VPS51: variants seen among roughly 807,000 people sequenced by gnomAD.
VPS51 encodes the protein vacuolar protein sorting-associated protein 51 homolog.
VPS51 carries 55 observed loss-of-function variants against 65.1 expected under a neutral mutation model. That is an observed-to-expected ratio of 0.84 (90% CI 0.68 to 1.06). VPS51 has a LOEUF of 1.06. Among genes scored for constraint, VPS51 ranks in the 50% least tolerant of loss-of-function variants. VPS51 has a pLI of 0.00. For synonymous variants in VPS51, 473 were observed against 489.5 expected (o/e 0.97, Z 0.44); for missense variants, 943 against 1,101.6 (o/e 0.86, Z 2.04).
Position 65,107,569 on chromosome 11 carries a change from C to T in VPS51, c.359-12C>T, listed in dbSNP as rs1202716480. On this transcript the variant is annotated splice_polypyrimidine_tract_variant and intron_variant, in intron 2 of 9. Coordinates refer to ENST00000279281, the MANE Select transcript of VPS51 (RefSeq NM_013265.4). This position sits in a 1 kb window ranked among gnomAD's most constrained non-coding sequence, Gnocchi z 4.0. ...ACCTGCTCTCCCCTTTTCCCCGCCC[C>T]TGCCCTCCTAGACACCATCCGGAAG... The T allele has an allele frequency of 9.5e-6, 15 of 1,572,112 alleles. No individual in the cohort carries two copies. The highest frequency in any genetic ancestry group is 1.3e-5 in the Non-Finnish European group (15 of 1,151,342).
At chr11:65,110,860 G>T in intron 9 of VPS51, 79 bp downstream of exon 9, 4 of 1,566,034 alleles carry the variant, frequency 2.6e-6, no homozygotes, top group South Asian at 1.1e-5. Context: ...TGCCCAAGGA[G>T]CCCCAGGACT....
At chr11:65,105,195 C>T (rs1287655992) in intron 2 of VPS51, among the ~76,000 whole-genome samples, 1 of 151,964 alleles carries the variant, frequency 6.6e-6, no homozygotes, top group African/African-American at 2.4e-5. Flanking sequence ...AGGTCAGAGA[C>T]CAGTCTGGCC....
In VPS51 at chr11:65,107,778, G is replaced by T; in HGVS notation, c.506-25G>T. 6.2e-7 allele frequency: 1 copy of T among 1,603,638 alleles called. No individual in the cohort carries two copies. Among genetic ancestry groups the T allele is most frequent in the Non-Finnish European group, 8.5e-7 (1 of 1,176,200 alleles). On this transcript the variant is annotated intron_variant, in intron 3 of 9. Transcript: ENST00000279281. This position sits in a 1 kb window ranked among gnomAD's most constrained non-coding sequence, Gnocchi z 4.0. ...AGTGGGCCTTTCCTGGGGCTCTGGG[G>T]CTAACGTCACCCTCCGTCCCCCAGG...
At chr11:65,109,590 C>G (rs1278664893) in intron 6 of VPS51, 95 bp downstream of exon 6, 1 of 1,530,850 alleles carries the variant, frequency 6.5e-7, no homozygotes, top group Non-Finnish European at 8.8e-7. Flanking sequence ...GACCAGCTGC[C>G]TGTGTGTACC....
chr11:65,105,228 T>TCCA, intron 2 of VPS51, among the ~76,000 whole-genome samples: 1 of 151,940 alleles, frequency 6.6e-6, no homozygotes, highest in South Asian at 2.1e-4. Flanking sequence ...CCCTCTCTAC[T>TCCA]AAAAGTACAA....
intron 1 of VPS51, 99 bp downstream of exon 1, chr11:65,096,577 G>C: frequency 1.8e-6 from 2 of 1,099,782 alleles, no homozygotes; most frequent in Non-Finnish European, 2.5e-6. Context: ...CTTTTTGTGA[G>C]GTTCAGGAGA....
chr11:65,099,863 G>A (rs1219062897), intron 2 of VPS51, among the ~76,000 whole-genome samples: 1 of 152,166 alleles, frequency 6.6e-6, no homozygotes, highest in Non-Finnish European at 1.5e-5. Context: ...AGCACTCTGA[G>A]AGGCCGAGAC....
chr11:65,111,180 A>C, intron 9 of VPS51, 147 bp from the exon 10 acceptor site: 1 of 1,199,870 alleles, frequency 8.3e-7, no homozygotes, highest in Non-Finnish European at 1.2e-6. Flanking sequence ...CTAATATTGT[A>C]TCCCTCCCTT....
In VPS51 at chr11:65,108,584, G is replaced by A. The variant is rs1947862403; in HGVS notation, c.1113G>A (p.Ala371=). The change falls in exon 5 of 10, where the codon GCG becomes GCA. Residue 371 remains alanine, a synonymous_variant. Coordinates refer to ENST00000279281, the MANE Select transcript of VPS51 (RefSeq NM_013265.4). ...GGGDNSLLVR[A]LDRFHRRLRA... ...GTGACAACTCACTGCTGGTGCGGGCGCTGGACCGCTTCCACCGGCGCTTGC... is the reference window on the plus strand; with the variant it reads ...GTGACAACTCACTGCTGGTGCGGGCACTGGACCGCTTCCACCGGCGCTTGC... 6 of 1,545,340 alleles carry A rather than the reference G, an allele frequency of 3.9e-6. No individual in the cohort carries two copies. Among genetic ancestry groups the A allele is most frequent in the Non-Finnish European group, 5.2e-6 (6 of 1,152,282 alleles).
Position 65,108,633 on chromosome 11 carries a change from G to A in VPS51, c.1162G>A (p.Ala388Thr), listed in dbSNP as rs1364409815. ...GCGGGCTCCCGGGGCCCTGCTGGCC[G>A]CTGCCGGGCTCGCAGACGCTGCCAC... ...RLRAPGALLA[A>T]AGLADAATEI... is the part of the protein sequence containing the mutation. The change falls in exon 5 of 10, where the codon GCT (alanine) becomes ACT (threonine). Residue 388 changes from alanine (A) to threonine (T), a missense_variant. Physicochemically the swap from Ala to Thr is moderately conservative, Grantham distance 58. Coordinates refer to ENST00000279281, the MANE Select transcript of VPS51 (RefSeq NM_013265.4). 7 of 1,530,434 alleles carry A rather than the reference G, an allele frequency of 4.6e-6. No individual in the cohort carries two copies. The East Asian group carries it at 9.7e-5, about 21-fold the overall frequency. 94.8% of individuals were successfully genotyped at this position (1,530,434 alleles called of 1,614,324 possible). A position where few individuals can be genotyped will look rare whatever the true frequency, so the allele number is the denominator to read the frequency against.
At chr11:65,096,532 C>T in intron 1 of VPS51, 54 bp downstream of exon 1, 2 of 1,368,648 alleles carry the variant, frequency 1.5e-6, no homozygotes, top group Non-Finnish European at 2.0e-6. Flanking sequence ...GGAACCAGGC[C>T]CCTGCTATAT....
At position 65,096,498 on chromosome 11, in the gene VPS51, G is replaced by GT; in HGVS notation, c.228+20_228+21insT. 2.0e-5 allele frequency: 9 copies of GT among 455,566 alleles called. No homozygotes were observed. The highest frequency in any genetic ancestry group is 2.7e-5 in the Non-Finnish European group (9 of 327,876). The allele number at this position is 455,566 out of a possible 1,614,324, so 28.2% of individuals were successfully genotyped here. ...GACAAGGTGTGTGCGCACGGGGAGTGGGGGGGTGCGGGGAGGGGGGAAGGG... is the reference window on the plus strand; with the variant it reads ...GACAAGGTGTGTGCGCACGGGGAGTGTGGGGGGTGCGGGGAGGGGGGAAGGG... On this transcript the variant is annotated intron_variant, in intron 1 of 9. Coordinates refer to ENST00000279281, the MANE Select transcript of VPS51 (RefSeq NM_013265.4).
chr11:65,108,401 C>T lies in VPS51; in HGVS notation c.930C>T (p.Gly310=). 1 of 1,612,192 alleles carries T rather than the reference C, an allele frequency of 6.2e-7. No individual in the cohort carries two copies. The highest frequency in any genetic ancestry group is 8.5e-7 in the Non-Finnish European group (1 of 1,179,678). The change falls in exon 5 of 10, where the codon GGC becomes GGT. Residue 310 remains glycine, a synonymous_variant. Transcript: ENST00000279281. The stretch of plus-strand genomic sequence containing the variant: ...AGTTCACCGACCATGGAGGCAGTGG[C>T]TTCGTGGGCGGCCTCTGCCAGGTGG... ...VLEFTDHGGS[G]FVGGLCQVAA...
intron 2 of VPS51, among the ~76,000 whole-genome samples, chr11:65,104,780 G>A (rs917985302): frequency 1.3e-4 from 20 of 152,100 alleles, no homozygotes; most frequent in African/African-American, 4.3e-4. Context: ...AGCTGTTCTC[G>A]TTTCTCTGCT....
intron 2 of VPS51, among the ~76,000 whole-genome samples, chr11:65,106,260 A>G (rs1048321967): frequency 9.8e-5 from 15 of 152,370 alleles, no homozygotes; most frequent in African/African-American, 3.6e-4. Flanking sequence ...ATCCAGGTTC[A>G]TACTGCTGTA....
At chr11:65,104,618 G>A (rs1313456353) in intron 2 of VPS51, among the ~76,000 whole-genome samples, 2 of 152,134 alleles carry the variant, frequency 1.3e-5, no homozygotes, top group Admixed American at 6.5e-5. Context: ...TTAATATGCT[G>A]CTGGATTTTG....
chr11:65,107,282 C>A lies in VPS51; in HGVS notation c.359-299C>A. The A allele has an allele frequency of 1.8e-6, 1 of 556,370 alleles. No homozygotes were observed. The highest frequency in any genetic ancestry group is 3.4e-6 in the Non-Finnish European group (1 of 292,296). 34.5% of individuals were successfully genotyped at this position (556,370 alleles called of 1,614,324 possible). A position where few individuals can be genotyped will look rare whatever the true frequency, so the allele number is the denominator to read the frequency against. ...AGCAGTTGAGGCACAGTGGTGGCAG[C>A]TGGCTAAGCACCTGCGGCCTGCTTC... is the stretch of plus-strand genomic sequence containing the variant. On this transcript the variant is annotated intron_variant, in intron 2 of 9. Coordinates refer to ENST00000279281, the MANE Select transcript of VPS51 (RefSeq NM_013265.4). The surrounding 1 kb of genome is among the most constrained non-coding windows in gnomAD (Gnocchi z 4.0).
intron 2 of VPS51, among the ~76,000 whole-genome samples, chr11:65,104,113 G>A (rs541773879): frequency 6.6e-6 from 1 of 152,238 alleles, no homozygotes; most frequent in East Asian, 1.9e-4. Flanking sequence ...ATTTTTACTA[G>A]AGACAGGGTT....
chr11:65,106,450 C>T (rs1947842020), intron 2 of VPS51, among the ~76,000 whole-genome samples: 1 of 152,148 alleles, frequency 6.6e-6, no homozygotes, highest in South Asian at 2.1e-4. Flanking sequence ...GGGAGAGCCC[C>T]TTATAAAACC....
Sources: allele counts gnomAD v4.1 joint callset (sites outside exome capture counted in the v4.1 genomes callset), GRCh38; gene constraint gnomAD v4.1.1; non-coding constraint Gnocchi (gnomAD v3.1); transcripts MANE v1.5; gene names NCBI Gene and HGNC (gene_info 2026-07-23, HGNC 2026-07-21).